Variants in LRCH1 observed in about 807,000 individuals in gnomAD.
LRCH1 encodes the protein leucine-rich repeat and calponin homology domain-containing protein 1.
A neutral mutation model predicts 94.9 loss-of-function variants in LRCH1; 23 were observed. That is an observed-to-expected ratio of 0.24 (90% confidence interval 0.17 to 0.34). The LOEUF is 0.34. LRCH1 is among the 10% of genes least tolerant of loss of function. The probability of loss-of-function intolerance (pLI) is 1.00; values close to 1 mark genes in which losing one functional copy is unlikely to be tolerated. For missense variants in LRCH1, 790 were observed against 945.9 expected (o/e 0.84, Z 2.16); for synonymous variants, 364 against 354.9 (o/e 1.03, Z -0.29).
At chr13:46,684,894 A>ACAT (rs1207420015) in intron 4 of LRCH1, among the ~76,000 whole-genome samples, 1 of 152,222 alleles carries the variant, frequency 6.6e-6, no homozygotes, top group East Asian at 1.9e-4. Context: ...CTGGAATTTG[A>ACAT]CATAACGTAG....
chr13:46,710,012 C>A (rs578028487), intron 13 of LRCH1, among the ~76,000 whole-genome samples: 2 of 152,316 alleles, frequency 1.3e-5, no homozygotes, highest in South Asian at 4.1e-4. Flanking sequence ...AAAGTAACAT[C>A]TTTCAGCATA....
chr13:46,619,268 G>A (rs954557776), intron 1 of LRCH1, among the ~76,000 whole-genome samples: 1 of 151,938 alleles, frequency 6.6e-6, no homozygotes, highest in East Asian at 1.9e-4. Flanking sequence ...CCTCCACTAC[G>A]CCTGGCTAAT....
chr13:46,554,252 C>T (rs530473518), intron 1 of LRCH1, among the ~76,000 whole-genome samples: 44 of 152,348 alleles, frequency 2.9e-4, no homozygotes, highest in African/African-American at 9.4e-4. Context: ...CGAGCCCCCT[C>T]GGCGACATCG....
At chr13:46,582,648 CTTT>C (rs551678501) in intron 1 of LRCH1, among the ~76,000 whole-genome samples, 2,338 of 23,284 alleles carry the variant, frequency 0.1, 84 homozygotes, top group African/African-American at 0.26. Flanking sequence ...CCATGCCCAG[CTTT>C]TTTTTTTTTT....
At chr13:46,573,866 A>ATATATATATATATAGATTTT in intron 1 of LRCH1, among the ~76,000 whole-genome samples, 1 of 63,420 alleles carries the variant, frequency 1.6e-5, no homozygotes, top group Non-Finnish European at 3.2e-5. Context: ...ATATATATAT[A>ATATATATATATATAGATTTT]TTTTTTTTTT....
At chr13:46,626,407 T>C (rs2050950437) in intron 1 of LRCH1, among the ~76,000 whole-genome samples, 1 of 152,194 alleles carries the variant, frequency 6.6e-6, no homozygotes, top group Admixed American at 6.5e-5. Context: ...CATTCCACCA[T>C]TGTGATTTGT....
Position 46,739,973 on chromosome 13 carries a change from G to A in LRCH1, c.2086-1669G>A, listed in dbSNP as rs565369211. ...CCAGACATGTTCCTTAGGGTTCTGC[G>A]AAATGTATTGAAATACTTGGTGAAG... is the stretch of plus-strand genomic sequence containing the variant. On this transcript the variant is annotated intron_variant, in intron 19 of 19. Coordinates refer to ENST00000389797, the MANE Select transcript of LRCH1 (RefSeq NM_001164211.2). Among the ~76,000 whole-genome samples the A allele has an allele frequency of 1.2e-4, 18 of 152,260 alleles. No homozygotes were observed. The South Asian group carries it at 3.1e-3, about 26-fold the overall frequency.
At chr13:46,580,919 T>G (rs2050357822) in intron 1 of LRCH1, among the ~76,000 whole-genome samples, 1 of 152,218 alleles carries the variant, frequency 6.6e-6, no homozygotes, top group South Asian at 2.1e-4. Flanking sequence ...TTGCCTCTGT[T>G]GTTCTTCAAA....
intron 1 of LRCH1, among the ~76,000 whole-genome samples, chr13:46,621,329 C>G (rs1177892244): frequency 6.6e-6 from 1 of 152,118 alleles, no homozygotes; most frequent in Non-Finnish European, 1.5e-5. Context: ...ACTCTAGAGT[C>G]TGGTAGGAAA....
intron 13 of LRCH1, chr13:46,705,706 C>G: frequency 2.9e-6 from 1 of 343,848 alleles, no homozygotes; most frequent in Non-Finnish European, 5.6e-6. Flanking sequence ...TAGAAAACAC[C>G]TGAAAGACAA....
At chr13:46,689,427 G>A (rs1870784849) in intron 7 of LRCH1, among the ~76,000 whole-genome samples, 1 of 152,110 alleles carries the variant, frequency 6.6e-6, no homozygotes, top group Non-Finnish European at 1.5e-5. Context: ...AATGCCTCAA[G>A]AGTGGAGTCT....
intron 2 of LRCH1, among the ~76,000 whole-genome samples, chr13:46,664,230 A>G (rs1308235584): frequency 6.6e-6 from 1 of 152,222 alleles, no homozygotes; most frequent in Admixed American, 6.5e-5. Flanking sequence ...AGGATGTACA[A>G]TAAGTAAAAT....
At chr13:46,626,965 G>C (rs2050958023) in intron 1 of LRCH1, among the ~76,000 whole-genome samples, 1 of 152,076 alleles carries the variant, frequency 6.6e-6, no homozygotes, top group Non-Finnish European at 1.5e-5. Flanking sequence ...TTCTTTATGA[G>C]TCATCCTCAA....
At position 46,562,462 on chromosome 13, in the gene LRCH1, TC is replaced by T. The variant is rs550702946; in HGVS notation, c.307+8762del. Among the ~76,000 whole-genome samples the T allele has an allele frequency of 3.8e-3, 585 of 152,304 alleles. 4 individuals are homozygous for T. Among genetic ancestry groups the T allele is most frequent in the South Asian group, 0.026 (126 of 4,824 alleles). On this transcript the variant is annotated intron_variant, in intron 1 of 19. Coordinates refer to ENST00000389797, the MANE Select transcript of LRCH1 (RefSeq NM_001164211.2). ...CCTTTTTATACACAAATCCTTGTTG[TC>T]CCTTCCTGAGCCCAAATTTCCTCTT...
intron 3 of LRCH1, among the ~76,000 whole-genome samples, chr13:46,675,526 C>T (rs1217756126): frequency 6.6e-6 from 1 of 152,112 alleles, no homozygotes; most frequent in Non-Finnish European, 1.5e-5. Context: ...CATTTCCTGG[C>T]CTTGATTGGA....
chr13:46,729,156 A>G (rs943630534), intron 18 of LRCH1, among the ~76,000 whole-genome samples, 172 bp downstream of exon 18: 2 of 152,198 alleles, frequency 1.3e-5, no homozygotes, highest in Non-Finnish European at 2.9e-5. Context: ...ATGAAGCAAC[A>G]TTTTCCCGGT....
intron 1 of LRCH1, among the ~76,000 whole-genome samples, chr13:46,573,231 ACAGTGTCTGC>A (rs1455214944): frequency 6.6e-6 from 1 of 152,142 alleles, no homozygotes; most frequent in Non-Finnish European, 1.5e-5. Context: ...GGTTCCTAGG[ACAGTGTCTGC>A]CCATGGTAGC....
At chr13:46,680,617 G>A (rs549634535) in intron 3 of LRCH1, among the ~76,000 whole-genome samples, 7 of 152,214 alleles carry the variant, frequency 4.6e-5, no homozygotes, top group Non-Finnish European at 8.8e-5. Context: ...GCATGAACAA[G>A]TTTGGGAATT....
exon 19 of LRCH1, chr13:46,750,989 G>A (rs767899420): frequency 2.4e-4 from 42 of 176,820 alleles, no homozygotes; most frequent in African/African-American, 8.2e-4. Flanking sequence ...GCAGCAAGAC[G>A]CATTCGTTTT....
Sources: gnomAD v4.1 joint callset for allele counts (sites outside exome capture counted in the v4.1 genomes callset) on GRCh38, gnomAD v4.1.1 for gene constraint, MANE v1.5 for transcripts, NCBI Gene and HGNC (gene_info 2026-07-23, HGNC 2026-07-21) for gene names.